Variants in MED12L observed in about 807,000 individuals in gnomAD.
The protein encoded by MED12L is mediator of RNA polymerase II transcription subunit 12-like protein.
A neutral mutation model predicts 281.3 loss-of-function variants in MED12L; 60 were observed. The ratio of observed to expected loss-of-function variants is 0.21; its 90% CI spans 0.17 to 0.26. The LOEUF (loss-of-function observed/expected upper bound fraction) is 0.26. Ranked by LOEUF, MED12L falls within the 10% of genes least tolerant of loss-of-function variation. The probability of loss-of-function intolerance (pLI) is 1.00; values close to 1 mark genes in which losing one functional copy is unlikely to be tolerated. For missense variants in MED12L, 2,146 were observed against 2,680.9 expected (o/e 0.80, Z 4.41); for synonymous variants, 974 against 987.2 (o/e 0.99, Z 0.25).
At position 151,435,009 on chromosome 3, in the gene MED12L, ATTAC is replaced by A. The variant is rs1013374572; in HGVS notation, c.*2208_*2211del. ...GCGCATTATAAAGAAAATAACTAGA[ATTAC>A]TTTAGTCTTCAGATTTTCTCCCTGT... On this transcript the variant is annotated 3_prime_UTR_variant, in exon 45 of 45. Coordinates refer to ENST00000687756, the MANE Select transcript of MED12L (RefSeq NM_001393769.1). 10 of 150,976 alleles carry A rather than the reference ATTAC, an allele frequency of 6.6e-5. No individual in the cohort carries two copies. The highest frequency in any genetic ancestry group is 2.2e-4 in the African/African-American group (9 of 41,054). The allele number at this position is 150,976 out of a possible 1,614,324, so 9.4% of individuals were successfully genotyped here.
intron 16 of MED12L, among the ~76,000 whole-genome samples, chr3:151,240,749 C>T (rs1733910851): frequency 6.6e-6 from 1 of 152,206 alleles, no homozygotes. Context: ...CAGTTTTGTG[C>T]ACTCTTGCAT....
At chr3:151,213,467 A>C (rs1415191890) in intron 16 of MED12L, 1 of 1,614,096 alleles carries the variant, frequency 6.2e-7, no homozygotes, top group African/African-American at 1.3e-5. Flanking sequence ...TTTGCAGCAG[A>C]TAGTAGCAGA....
intron 26 of MED12L, among the ~76,000 whole-genome samples, 188 bp from the exon 27 acceptor site, chr3:151,372,379 G>A (rs1421597548): frequency 6.6e-6 from 1 of 152,104 alleles, no homozygotes; most frequent in Admixed American, 6.6e-5. Flanking sequence ...CTCCATTTCT[G>A]TTAGAAACTT....
At chr3:151,404,405 G>C (rs771029347) in intron 39 of MED12L, among the ~76,000 whole-genome samples, 13 of 152,134 alleles carry the variant, frequency 8.5e-5, no homozygotes, top group Non-Finnish European at 1.3e-4. Context: ...TCGTATTTGA[G>C]GTGAAAACTT....
Position 151,316,221 on chromosome 3 carries a change from C to T in MED12L, c.2251-33838C>T, listed in dbSNP as rs182260156. Among the ~76,000 whole-genome samples the T allele has an allele frequency of 1.7e-3, 256 of 151,936 alleles. 1 individual carries two copies. Among genetic ancestry groups the T allele is most frequent in the Admixed American group, 5.8e-3 (88 of 15,254 alleles). On this transcript the variant is annotated intron_variant, in intron 16 of 44. Transcript: ENST00000687756. ...TCTCTCTCTTTAAAAAAAAACAATA[C>T]GGATAAACGATTATGAAACAAATTT...
At chr3:151,110,784 G>A (rs1014320699) in intron 2 of MED12L, among the ~76,000 whole-genome samples, 4 of 152,092 alleles carry the variant, frequency 2.6e-5, no homozygotes, top group African/African-American at 9.7e-5. Context: ...GTGTAGCTTT[G>A]CATTTGTGCC....
chr3:151,146,120 T>C (rs1385462098), intron 5 of MED12L, among the ~76,000 whole-genome samples: 3 of 152,130 alleles, frequency 2.0e-5, no homozygotes, highest in Non-Finnish European at 2.9e-5. Context: ...AAAGCAGATT[T>C]CTCCACCCGA....
chr3:151,238,155 C>CTTTTTA (rs1553753446), intron 16 of MED12L, among the ~76,000 whole-genome samples: 1 of 145,792 alleles, frequency 6.9e-6, no homozygotes, highest in Non-Finnish European at 1.5e-5. Flanking sequence ...TTTTCTTTTT[C>CTTTTTA]TTTTTTCTTG....
intron 16 of MED12L, among the ~76,000 whole-genome samples, chr3:151,296,744 T>C (rs1745150706): frequency 6.6e-6 from 1 of 152,120 alleles, no homozygotes; most frequent in African/African-American, 2.4e-5. Context: ...AATTAATTTA[T>C]AGATTCACCT....
At chr3:151,407,184 T>G (rs959306479) in intron 39 of MED12L, among the ~76,000 whole-genome samples, 9 of 152,188 alleles carry the variant, frequency 5.9e-5, no homozygotes, top group Admixed American at 5.9e-4. Context: ...TATACCTTAT[T>G]AGTATTCTAG....
At position 151,357,242 on chromosome 3, in the gene MED12L, T is replaced by C; in HGVS notation, c.2691T>C (p.Ala897=). 1.2e-6 allele frequency: 2 copies of C among 1,612,904 alleles called. No individual in the cohort carries two copies. Among genetic ancestry groups the C allele is most frequent in the Non-Finnish European group, 1.7e-6 (2 of 1,179,464 alleles). The change falls in exon 20 of 45, where the codon GCT becomes GCC. Residue 897 remains alanine (A), a synonymous_variant. Transcript: ENST00000687756. The stretch of plus-strand genomic sequence containing the variant: ...TAAATGAACTGAGTGTTGTGGAAGC[T>C]GAACTGCTCCTAAAATCCTCCAGCC... ...QLLNELSVVE[A]ELLLKSSSLA...
At chr3:151,307,600 G>A (rs952221525) in intron 16 of MED12L, among the ~76,000 whole-genome samples, 6 of 149,472 alleles carry the variant, frequency 4.0e-5, no homozygotes, top group African/African-American at 1.5e-4. Flanking sequence ...GAGCAGATGG[G>A]GGGTTGATGT....
chr3:151,251,376 C>G (rs1002508588), intron 16 of MED12L, among the ~76,000 whole-genome samples: 1 of 152,094 alleles, frequency 6.6e-6, no homozygotes, highest in Non-Finnish European at 1.5e-5. Flanking sequence ...TCTCCAAAGC[C>G]TGGTGATTTT....
intron 16 of MED12L, among the ~76,000 whole-genome samples, chr3:151,239,259 A>G (rs1733588087): frequency 6.6e-6 from 1 of 152,274 alleles, no homozygotes; most frequent in South Asian, 2.1e-4. Flanking sequence ...AAAAGATTTC[A>G]GTGTTACAAA....
At chr3:151,170,362 G>A (rs1721277197) in intron 11 of MED12L, among the ~76,000 whole-genome samples, 1 of 146,488 alleles carries the variant, frequency 6.8e-6, no homozygotes, top group Admixed American at 7.1e-5. Context: ...TGTAACCTCT[G>A]CCTCCTGAGT....
chr3:151,171,720 C>T (rs761743144), intron 11 of MED12L, among the ~76,000 whole-genome samples: 6 of 152,230 alleles, frequency 3.9e-5, no homozygotes, highest in African/African-American at 9.6e-5. Flanking sequence ...GTGCTTTCCT[C>T]ACCTGTGGCA....
At chr3:151,147,774 G>A (rs1459903951) in intron 5 of MED12L, among the ~76,000 whole-genome samples, 3 of 152,136 alleles carry the variant, frequency 2.0e-5, no homozygotes, top group South Asian at 4.1e-4. Flanking sequence ...ACGGATATTG[G>A]ATTGTTTTCA....
At chr3:151,125,154 T>C (rs181938237) in intron 4 of MED12L, among the ~76,000 whole-genome samples, 2 of 152,362 alleles carry the variant, frequency 1.3e-5, no homozygotes, top group Admixed American at 6.5e-5. Context: ...TAACATGTAA[T>C]GCAACAAGGT....
intron 42 of MED12L, 52 bp from the exon 43 acceptor site, chr3:151,416,260 A>G (rs924387015): frequency 4.3e-6 from 7 of 1,612,230 alleles, no homozygotes; most frequent in South Asian, 1.1e-5. Context: ...AGATTCAGCA[A>G]TGCTGTTTTC....
Sources: allele counts gnomAD v4.1 joint callset (sites outside exome capture counted in the v4.1 genomes callset), GRCh38; gene constraint gnomAD v4.1.1; transcripts MANE v1.5; gene names NCBI Gene and HGNC (gene_info 2026-07-23, HGNC 2026-07-21).